The following SESN1 variants were observed in gnomAD, a reference collection of about 807,000 sequenced individuals.
SESN1 encodes sestrin-1.
In SESN1, 30 loss-of-function variants were observed where a neutral mutation model predicts 59.3. The observed-to-expected ratio is 0.51, with a 90% CI of 0.38 to 0.69. The LOEUF (loss-of-function observed/expected upper bound fraction) is 0.69, where lower values mean the gene tolerates loss of function less well. Among genes scored for constraint, SESN1 ranks in the 30% least tolerant of loss-of-function variants. SESN1 has a pLI of 0.00. For synonymous variants in SESN1, 197 were observed against 219.9 expected, an observed-to-expected ratio of 0.90 and a Z score of 0.92; for missense variants, 566 against 673.0, an observed-to-expected ratio of 0.84 and a Z score of 1.76.
rs1279209258 is a variant in SESN1 at position 109,000,552 on chromosome 6, A to G, written c.668T>C (p.Leu223Ser). ...GGCTAACACTTTGTTAAGTTCTCCTAAATTCTGTAGTTTTTGAGGAGCATT... is the reference window on the plus strand; with the variant it reads ...GGCTAACACTTTGTTAAGTTCTCCTGAATTCTGTAGTTTTTGAGGAGCATT... ...LENAPQKLQN[L>S]GELNKVLAHR... is the part of the protein sequence containing the mutation. Residue 223 changes from leucine (L) to serine (S), a missense_variant, in exon 4 of 10, where the codon TTA becomes TCA. By Grantham distance (145) the Leu-to-Ser change is moderately radical (BLOSUM62 -2). Coordinates refer to ENST00000436639, the MANE Select transcript of SESN1 (RefSeq NM_014454.3). 3.7e-6 allele frequency: 6 copies of G among 1,611,400 alleles called. No homozygotes were observed. Among genetic ancestry groups the G allele is most frequent in the East Asian group, 2.2e-5 (1 of 44,790 alleles).
At chr6:109,011,008 A>G (rs574126673) in intron 1 of SESN1, among the ~76,000 whole-genome samples, 78 of 152,376 alleles carry the variant, frequency 5.1e-4, no homozygotes, top group African/African-American at 1.9e-3. Context: ...AGGTAGAAGT[A>G]TGTGAAAAAT....
chr6:109,028,318 CA>C (rs1376441968), intron 1 of SESN1, among the ~76,000 whole-genome samples: 1 of 152,084 alleles, frequency 6.6e-6, no homozygotes, highest in Non-Finnish European at 1.5e-5. Context: ...ACTATCTTCC[CA>C]CAATAATTAT....
chr6:109,044,892 G>A (rs561284239), intron 1 of SESN1, among the ~76,000 whole-genome samples: 3 of 152,088 alleles, frequency 2.0e-5, no homozygotes, highest in African/African-American at 4.8e-5. Flanking sequence ...GCGTGGTGGC[G>A]CATGCCTGTA....
intron 1 of SESN1, among the ~76,000 whole-genome samples, chr6:109,075,305 T>C (rs1192865390): frequency 6.6e-6 from 1 of 152,192 alleles, no homozygotes; most frequent in Non-Finnish European, 1.5e-5. Context: ...ATGATCCTCC[T>C]GGTATTCACT....
intron 7 of SESN1, among the ~76,000 whole-genome samples, chr6:108,992,356 A>G (rs1334921866): frequency 6.6e-6 from 1 of 152,112 alleles, no homozygotes. Context: ...GGCTCAGGCA[A>G]TCCACCTGCC....
At chr6:109,091,100 A>T (rs1482796704) in intron 1 of SESN1, among the ~76,000 whole-genome samples, 1 of 152,152 alleles carries the variant, frequency 6.6e-6, no homozygotes, top group African/African-American at 2.4e-5. Flanking sequence ...TGAAAAAATA[A>T]TCTTCCTATA....
chr6:109,017,224 T>G (rs1404097308), intron 1 of SESN1, among the ~76,000 whole-genome samples: 1 of 152,198 alleles, frequency 6.6e-6, no homozygotes, highest in Middle Eastern at 3.2e-3. Context: ...AACAGAAAAC[T>G]TGATACTATG....
chr6:108,994,645 G>T, intron 5 of SESN1, 36 bp from the exon 6 acceptor site: 1 of 1,467,806 alleles, frequency 6.8e-7, no homozygotes. Context: ...ACATGTGGCA[G>T]ACATAGAATA....
At chr6:109,044,640 T>C (rs1780396056) in intron 1 of SESN1, among the ~76,000 whole-genome samples, 1 of 152,112 alleles carries the variant, frequency 6.6e-6, no homozygotes, top group Non-Finnish European at 1.5e-5. Flanking sequence ...CTCAGTCCTT[T>C]CTCCTGAATC....
chr6:109,069,900 TA>T (rs1780901678), intron 1 of SESN1, among the ~76,000 whole-genome samples: 1 of 151,954 alleles, frequency 6.6e-6, no homozygotes, highest in African/African-American at 2.4e-5. Context: ...TTATGAAACT[TA>T]AAAAACATAG....
In SESN1 at chr6:108,991,156, C is replaced by T. The variant is rs914333491; in HGVS notation, c.1234-321G>A. Among the ~76,000 whole-genome samples, 4 of 152,318 alleles carry T rather than the reference C, an allele frequency of 2.6e-5. No individual in the cohort carries two copies. In the South Asian group the frequency reaches 6.2e-4, roughly 24 times the overall value. On this transcript the variant is annotated intron_variant, in intron 7 of 9. Coordinates refer to ENST00000436639, the MANE Select transcript of SESN1 (RefSeq NM_014454.3). ...TTCACTCTCTCTCCACTCAGCCCCC[C>T]AGATGTGACCAGCTTGGGAGTCCCC...
chr6:109,022,485 C>T (rs750148006), intron 1 of SESN1, among the ~76,000 whole-genome samples: 17 of 127,628 alleles, frequency 1.3e-4, no homozygotes, highest in Non-Finnish European at 2.3e-4. Context: ...TGCAGTGGCG[C>T]GATCTCGGCT....
chr6:109,069,304 T>TA (rs1562473434), intron 1 of SESN1, among the ~76,000 whole-genome samples: 1 of 149,930 alleles, frequency 6.7e-6, no homozygotes, highest in Non-Finnish European at 1.5e-5. Flanking sequence ...TAGAGAGGGG[T>TA]AAAATAAAAC....
At chr6:109,044,881 A>C (rs1191094842) in intron 1 of SESN1, among the ~76,000 whole-genome samples, 1 of 152,016 alleles carries the variant, frequency 6.6e-6, no homozygotes, top group Non-Finnish European at 1.5e-5. Flanking sequence ...AAATTAGCTG[A>C]GCGTGGTGGC....
intron 1 of SESN1, among the ~76,000 whole-genome samples, chr6:109,047,443 G>T (rs1484434295): frequency 7.9e-6 from 1 of 126,960 alleles, no homozygotes; most frequent in Admixed American, 7.4e-5. Flanking sequence ...CCCTCTGCCC[G>T]GCCAGCCGCC....
rs557041340 is a variant in SESN1 at position 109,087,686 on chromosome 6, C to A, written c.279+6109G>T. ...GCACTACCTTAGACTTTTGGCTCCA[C>A]TAAATGGCAGTTAAAAAAAAATCAA... On this transcript the variant is annotated intron_variant, in intron 1 of 9. Transcript: ENST00000436639. 5.9e-5 allele frequency among the ~76,000 whole-genome samples: 9 copies of A among 152,156 alleles called. No individual in the cohort carries two copies. The East Asian group carries it at 1.7e-3, about 29-fold the overall frequency.
At chr6:109,087,525 C>T (rs538435122) in intron 1 of SESN1, among the ~76,000 whole-genome samples, 2 of 152,118 alleles carry the variant, frequency 1.3e-5, no homozygotes, top group East Asian at 3.9e-4. Flanking sequence ...GGGAAAGGGA[C>T]CGAGTTCACA....
chr6:109,033,913 G>A (rs573926874), intron 1 of SESN1, among the ~76,000 whole-genome samples: 59 of 152,304 alleles, frequency 3.9e-4, no homozygotes, highest in Non-Finnish European at 4.4e-4. Flanking sequence ...GTAAAGAAGC[G>A]GAGGCAAGGC....
At chr6:109,007,873 G>C (rs1299096173) in intron 1 of SESN1, among the ~76,000 whole-genome samples, 1 of 145,966 alleles carries the variant, frequency 6.9e-6, no homozygotes, top group Non-Finnish European at 1.5e-5. Flanking sequence ...GTAATACTTA[G>C]GCCATATTTG....
Sources: allele counts gnomAD v4.1 joint callset (sites outside exome capture counted in the v4.1 genomes callset), GRCh38; gene constraint gnomAD v4.1.1; transcripts MANE v1.5; gene names NCBI Gene and HGNC (gene_info 2026-07-23, HGNC 2026-07-21).